ANXA2: variants seen among roughly 807,000 people sequenced by gnomAD.
The protein encoded by ANXA2 is annexin A2.
ANXA2 carries 28 observed loss-of-function variants against 47.3 expected under a neutral mutation model. The observed-to-expected ratio is 0.59, with a 90% CI of 0.44 to 0.81. The LOEUF is 0.81. Among genes scored for constraint, ANXA2 ranks in the 40% least tolerant of loss-of-function variants. ANXA2 has a pLI of 0.00. For synonymous variants in ANXA2, 172 were observed against 155.5 expected, an observed-to-expected ratio of 1.11 and a Z score of -0.79; for missense variants, 384 against 414.3, an observed-to-expected ratio of 0.93 and a Z score of 0.64.
At chr15:60,359,185 T>C (rs2062476480) in intron 5 of ANXA2, among the ~76,000 whole-genome samples, 1 of 152,216 alleles carries the variant, frequency 6.6e-6, no homozygotes, top group Non-Finnish European at 1.5e-5. Context: ...GGGTCAAAGC[T>C]TCAGCAGTTA....
chr15:60,381,285 G>A (rs955324790), intron 3 of ANXA2, among the ~76,000 whole-genome samples: 2 of 152,138 alleles, frequency 1.3e-5, no homozygotes, highest in Admixed American at 6.5e-5. Flanking sequence ...TCTTCACCAG[G>A]GGCACGAACC....
chr15:60,390,518 A>G (rs2062995022), intron 1 of ANXA2: 1 of 487,192 alleles, frequency 2.1e-6, no homozygotes, highest in South Asian at 1.5e-5. Flanking sequence ...TGGGTAGACT[A>G]AGGCAATTTT....
chr15:60,361,795 G>A (rs2140830052), intron 4 of ANXA2, among the ~76,000 whole-genome samples: 1 of 152,240 alleles, frequency 6.6e-6, no homozygotes, highest in Admixed American at 6.5e-5. Flanking sequence ...CATGTATGTA[G>A]ACAGACACCC....
intron 10 of ANXA2, 178 bp from the exon 11 acceptor site, chr15:60,351,429 C>A: frequency 1.5e-6 from 1 of 684,350 alleles, no homozygotes. Context: ...TAAGTTCCAC[C>A]ACGGTTTTAA....
At chr15:60,386,140 A>G in intron 1 of ANXA2, 54 bp from the exon 2 acceptor site, 1 of 1,228,930 alleles carries the variant, frequency 8.1e-7, no homozygotes, top group Non-Finnish European at 1.2e-6. Context: ...CTTTACTCTG[A>G]AGCACAGCGA....
At chr15:60,367,222 G>T (rs1380620373) in intron 3 of ANXA2, among the ~76,000 whole-genome samples, 1 of 116,258 alleles carries the variant, frequency 8.6e-6, no homozygotes, top group East Asian at 2.7e-4. Flanking sequence ...GAGGTGGGGG[G>T]GGTCAGCCCC....
At chr15:60,393,683 G>A (rs1442934819) in intron 1 of ANXA2, 3 of 985,224 alleles carry the variant, frequency 3.0e-6, no homozygotes, top group Non-Finnish European at 2.4e-6. Context: ...CATAAATGCC[G>A]CCTTTCTCAC....
At chr15:60,392,942 TA>T (rs60755565) in intron 1 of ANXA2, 133,074 of 916,856 alleles carry the variant, frequency 0.15, 2,595 homozygotes, top group African/African-American at 0.28. Context: ...AATTTTAAAC[TA>T]AAAAAAAAAA....
At chr15:60,353,876 C>T (rs1430284876) in intron 8 of ANXA2, among the ~76,000 whole-genome samples, 1 of 152,200 alleles carries the variant, frequency 6.6e-6, no homozygotes, top group Non-Finnish European at 1.5e-5. Flanking sequence ...ATGTGAAGTG[C>T]ACCATCTTGG....
At chr15:60,381,324 G>A (rs773340198) in intron 3 of ANXA2, among the ~76,000 whole-genome samples, 8 of 152,136 alleles carry the variant, frequency 5.3e-5, no homozygotes, top group Non-Finnish European at 1.0e-4. Flanking sequence ...GCTGGGTCAC[G>A]TCTGCATCCC....
In ANXA2 at chr15:60,351,267, A is replaced by AG; in HGVS notation, c.779-17dup. ...ATGCACTGAACTGTGGAGAGAAGAAAGGGAGTCAGCGCTGCAGCTGCTCTG... is the reference window on the plus strand; with the variant it reads ...ATGCACTGAACTGTGGAGAGAAGAAAGGGGAGTCAGCGCTGCAGCTGCTCTG... On this transcript the variant is annotated splice_polypyrimidine_tract_variant and intron_variant, in intron 10 of 12. Transcript: ENST00000451270. 6.2e-7 allele frequency: 1 copy of AG among 1,614,084 alleles called. No homozygotes were observed. The highest frequency in any genetic ancestry group is 1.1e-5 in the South Asian group (1 of 91,086).
chr15:60,373,621 T>TA (rs917918757), intron 3 of ANXA2, among the ~76,000 whole-genome samples: 23 of 152,302 alleles, frequency 1.5e-4, no homozygotes, highest in Admixed American at 6.5e-5. Flanking sequence ...GGCCTCTGGA[T>TA]AAGTAGCAGC....
chr15:60,377,188 TAAA>T, intron 3 of ANXA2, among the ~76,000 whole-genome samples: 1 of 152,276 alleles, frequency 6.6e-6, no homozygotes, highest in Middle Eastern at 3.4e-3. Flanking sequence ...AAAGGCATTC[TAAA>T]AAAAGAAGGT....
intron 1 of ANXA2, chr15:60,394,686 C>T (rs926168491): frequency 7.0e-6 from 1 of 143,362 alleles, no homozygotes; most frequent in Non-Finnish European, 1.5e-5. Context: ...GTGACAGAGC[C>T]AGGCTCCATC....
At chr15:60,370,790 A>G (rs72746607) in intron 3 of ANXA2, among the ~76,000 whole-genome samples, 36,070 of 151,986 alleles carry the variant, frequency 0.24, 4,539 homozygotes, top group Middle Eastern at 0.34. Context: ...GTGCTTAAGG[A>G]AGTGTTTGCT....
intron 3 of ANXA2, among the ~76,000 whole-genome samples, chr15:60,372,981 C>G (rs2062730353): frequency 6.6e-6 from 1 of 152,166 alleles, no homozygotes; most frequent in Admixed American, 6.5e-5. Context: ...TTCCAACATT[C>G]TTTTCTCAAC....
intron 1 of ANXA2, among the ~76,000 whole-genome samples, chr15:60,392,514 AAAG>A (rs1468969835): frequency 2.1e-4 from 11 of 53,330 alleles, no homozygotes; most frequent in Admixed American, 2.2e-4. Flanking sequence ...TTACTCCCAA[AAAG>A]AAGAGTAAAA....
intron 2 of ANXA2, among the ~76,000 whole-genome samples, chr15:60,385,202 T>A (rs1312180142): frequency 1.3e-5 from 2 of 152,250 alleles, no homozygotes; most frequent in African/African-American, 4.8e-5. Flanking sequence ...TTTCATTATA[T>A]TCTTGGTTTT....
intron 3 of ANXA2, among the ~76,000 whole-genome samples, chr15:60,382,137 G>A (rs571430007): frequency 6.6e-6 from 1 of 151,528 alleles, no homozygotes; most frequent in South Asian, 2.1e-4. Flanking sequence ...AAGGGAGAAG[G>A]GAGGGAAGGA....
Sources: allele counts gnomAD v4.1 joint callset (sites outside exome capture counted in the v4.1 genomes callset), GRCh38; gene constraint gnomAD v4.1.1; transcripts MANE v1.5; gene names NCBI Gene and HGNC (gene_info 2026-07-23, HGNC 2026-07-21).